The following CSNK2A1 variants were observed in gnomAD, a reference collection of about 807,000 sequenced individuals.
The protein encoded by CSNK2A1 is casein kinase 2 alpha 1.
In CSNK2A1, 10 loss-of-function variants were observed where a neutral mutation model predicts 62.9. The observed-to-expected ratio is 0.16, with a 90% CI of 0.10 to 0.27. CSNK2A1 has a LOEUF of 0.27. Among genes scored for constraint, CSNK2A1 ranks in the 10% least tolerant of loss-of-function variants. The probability of loss-of-function intolerance (pLI) is 1.00; values close to 1 mark genes in which losing one functional copy is unlikely to be tolerated. For missense variants in CSNK2A1, 160 were observed against 492.0 expected, an observed-to-expected ratio of 0.33 and a Z score of 6.38; for synonymous variants, 124 against 167.8, an observed-to-expected ratio of 0.74 and a Z score of 2.02.
In CSNK2A1 at chr20:476,628, A is replaced by G. The variant is rs1258798235; in HGVS notation, c.*7333T>C. 1.3e-5 allele frequency: 2 copies of G among 151,626 alleles called. No homozygotes were observed. The highest frequency in any genetic ancestry group is 2.1e-4 in the South Asian group (1 of 4,810). 9.4% of individuals were successfully genotyped at this position (151,626 alleles called of 1,614,324 possible). On this transcript the variant is annotated 3_prime_UTR_variant, in exon 14 of 14. Transcript: ENST00000217244. The stretch of plus-strand genomic sequence containing the variant: ...CCCTATGTTGCACAGGCTGGAGTGC[A>G]GTGGTGAAATCATGGCTCACTGCAG...
intron 13 of CSNK2A1, 33 bp downstream of exon 13, chr20:486,339 CCACA>C (rs1568498509): frequency 6.2e-7 from 1 of 1,611,508 alleles, no homozygotes; most frequent in South Asian, 1.1e-5. Flanking sequence ...TAATTGACTT[CCACA>C]TTTTTTTAAA....
intron 1 of CSNK2A1, among the ~76,000 whole-genome samples, chr20:541,953 G>A (rs1281816289): frequency 6.6e-6 from 1 of 152,158 alleles, no homozygotes; most frequent in African/African-American, 2.4e-5. Flanking sequence ...AGAATACCAC[G>A]GAGGAGAACT....
At position 499,387 on chromosome 20, in the gene CSNK2A1, C is replaced by T. The variant is rs556279550; in HGVS notation, c.316-82G>A. ...ATGGGGACAATGTTTGCGGATGCTG[C>T]GTGGTGAAATTTGGCAGTCCTCGCC... On this transcript the variant is annotated intron_variant, in intron 5 of 13. Transcript: ENST00000217244. The surrounding 1 kb of genome is among the most constrained non-coding windows in gnomAD (Gnocchi z 4.2). The T allele has an allele frequency of 2.4e-5, 34 of 1,411,880 alleles. No individual in the cohort carries two copies. The East Asian group carries it at 5.1e-4, about 21-fold the overall frequency. 87.5% of individuals were successfully genotyped at this position (1,411,880 alleles called of 1,614,324 possible). A position where few individuals can be genotyped will look rare whatever the true frequency, so the allele number is the denominator to read the frequency against.
At chr20:537,474 T>C (rs2019359264) in intron 1 of CSNK2A1, among the ~76,000 whole-genome samples, 1 of 151,708 alleles carries the variant, frequency 6.6e-6, no homozygotes, top group Admixed American at 6.6e-5. Flanking sequence ...TTTAAAAGAC[T>C]CAATCTTTGA....
At chr20:534,246 C>T (rs2019267681) in intron 1 of CSNK2A1, among the ~76,000 whole-genome samples, 2 of 152,208 alleles carry the variant, frequency 1.3e-5, no homozygotes, top group Admixed American at 1.3e-4. Context: ...AGGTTCTTTT[C>T]ACTAAATTTA....
chr20:497,653 C>T, intron 7 of CSNK2A1, 68 bp downstream of exon 7: 2 of 1,332,410 alleles, frequency 1.5e-6, no homozygotes, highest in Non-Finnish European at 2.1e-6. Context: ...GGCTTTTCTA[C>T]CATCAATTGA....
intron 7 of CSNK2A1, 23 bp downstream of exon 7, chr20:497,697 AT>A: frequency 6.4e-7 from 1 of 1,573,636 alleles, no homozygotes; most frequent in Non-Finnish European, 8.7e-7. Context: ...TTTAAAAAAT[AT>A]TTAGTATTCA....
intron 8 of CSNK2A1, among the ~76,000 whole-genome samples, chr20:493,541 C>T (rs1236352989): frequency 6.6e-6 from 1 of 151,982 alleles, no homozygotes; most frequent in African/African-American, 2.4e-5. Flanking sequence ...TTCTCTGCAC[C>T]CTTTACCCAG....
chr20:541,358 G>A (rs927920311), intron 1 of CSNK2A1, among the ~76,000 whole-genome samples: 2 of 152,162 alleles, frequency 1.3e-5, no homozygotes, highest in African/African-American at 4.8e-5. Flanking sequence ...GGAAGAGGGA[G>A]ATGTAATTCT....
intron 3 of CSNK2A1, chr20:508,138 C>G (rs559823217): frequency 4.8e-6 from 1 of 209,870 alleles, no homozygotes; most frequent in Non-Finnish European, 9.4e-6. Context: ...CTTATGGAAC[C>G]ACTGTCCTAC....
intron 9 of CSNK2A1, 81 bp from the exon 10 acceptor site, chr20:489,962 T>TAA (rs34056933): frequency 4.3e-4 from 435 of 1,018,306 alleles, no homozygotes; most frequent in South Asian, 1.8e-3. Context: ...TTTTTAAAAT[T>TAA]AAAAAAAAAT....
chr20:509,012 A>G (rs550638668), intron 2 of CSNK2A1, among the ~76,000 whole-genome samples: 2 of 152,368 alleles, frequency 1.3e-5, no homozygotes, highest in East Asian at 3.9e-4. Context: ...ATTGGCAAGA[A>G]AAATACTTTC....
intron 2 of CSNK2A1, among the ~76,000 whole-genome samples, chr20:522,017 G>A (rs1253659542): frequency 2.6e-5 from 4 of 152,232 alleles, no homozygotes; most frequent in African/African-American, 9.6e-5. Context: ...TTAGGAACCA[G>A]GCTACACAGC....
At chr20:527,031 G>GAGAGAGA (rs2122630478) in intron 2 of CSNK2A1, 1 of 151,406 alleles carries the variant, frequency 6.6e-6, no homozygotes, top group Non-Finnish European at 1.5e-5. Context: ...GAGAGAGAGA[G>GAGAGAGA]AGAGAGAGAG....
intron 2 of CSNK2A1, among the ~76,000 whole-genome samples, chr20:512,910 G>A (rs1026815478): frequency 6.6e-6 from 1 of 152,102 alleles, no homozygotes; most frequent in Non-Finnish European, 1.5e-5. Context: ...AAAACCAGAT[G>A]TTTTCTTGTA....
chr20:485,138 G>T (rs866777392), intron 13 of CSNK2A1, among the ~76,000 whole-genome samples: 1 of 57,740 alleles, frequency 1.7e-5, no homozygotes, highest in African/African-American at 6.2e-5. Context: ...ATATATATAT[G>T]AGAACATTAT....
chr20:489,506 A>G, intron 10 of CSNK2A1: 2 of 410,364 alleles, frequency 4.9e-6, no homozygotes, highest in Non-Finnish European at 8.6e-6. Flanking sequence ...CATATTGGAG[A>G]TAAGGGTTTA....
chr20:492,060 A>G lies in CSNK2A1; in HGVS notation c.621+194T>C, dbSNP rs1322813366. Among the ~76,000 whole-genome samples, 5 of 152,352 alleles carry G rather than the reference A, an allele frequency of 3.3e-5. No homozygotes were observed. In the South Asian group the frequency reaches 8.3e-4, roughly 25 times the overall value. On this transcript the variant is annotated intron_variant, in intron 9 of 13. Transcript: ENST00000217244. The stretch of plus-strand genomic sequence containing the variant: ...AACCTATTCATATTCTACCGACATT[A>G]TGACAATAAAAGTAATGTAAGTCAT...
At chr20:525,070 T>A (rs187661872) in intron 2 of CSNK2A1, among the ~76,000 whole-genome samples, 1 of 152,158 alleles carries the variant, frequency 6.6e-6, no homozygotes, top group Non-Finnish European at 1.5e-5. Context: ...GATCACAGTG[T>A]TGCACTCCAA....
Sources: allele counts gnomAD v4.1 joint callset (sites outside exome capture counted in the v4.1 genomes callset), GRCh38; gene constraint gnomAD v4.1.1; non-coding constraint Gnocchi (gnomAD v3.1); transcripts MANE v1.5; gene names NCBI Gene and HGNC (gene_info 2026-07-23, HGNC 2026-07-21).